REXO4: variants seen among roughly 807,000 people sequenced by gnomAD.
REXO4 encodes the protein RNA exonuclease 4.
In REXO4, 29 loss-of-function variants were observed where a neutral mutation model predicts 39.9. The observed-to-expected ratio is 0.73, with a 90% CI of 0.54 to 0.99. The LOEUF (loss-of-function observed/expected upper bound fraction) is 0.99, where lower values mean the gene tolerates loss of function less well. Ranked by LOEUF, REXO4 falls within the 50% of genes least tolerant of loss-of-function variation. The probability of loss-of-function intolerance (pLI) is 0.00; values close to 1 mark genes in which losing one functional copy is unlikely to be tolerated. For missense variants in REXO4, 524 were observed against 546.5 expected (o/e 0.96, Z 0.41); for synonymous variants, 184 against 206.2 (o/e 0.89, Z 0.92).
At chr9:133,416,472 C>G (rs1340800533) in intron 1 of REXO4, among the ~76,000 whole-genome samples, 1 of 152,170 alleles carries the variant, frequency 6.6e-6, no homozygotes, top group East Asian at 1.9e-4. Flanking sequence ...CTGGGCCTCC[C>G]AAAGTGCTGG....
intron 3 of REXO4, 65 bp from the exon 4 acceptor site, chr9:133,412,557 C>G (rs1554780409): frequency 6.4e-7 from 1 of 1,561,474 alleles, no homozygotes; most frequent in East Asian, 2.2e-5. Context: ...AGGTCAGAGC[C>G]CCAGGGATCC....
rs782508629 is a variant in REXO4, at chr9:133,412,817, C to CTGCCCTCGCTCTGACCCAACTG, written c.655_676dup (p.Ser226ThrfsTer31). The CTGCCCTCGCTCTGACCCAACTG allele has an allele frequency of 1.1e-5, 17 of 1,613,852 alleles. No homozygotes were observed. The highest frequency in any genetic ancestry group is 1.7e-5 in the Admixed American group (1 of 60,028). ...CTCTTTCACGAGGCTGAGGCTGACG[C>CTGCCCTCGCTCTGACCCAACTG]TGCCCTCGCTCTGACCCAACTGTTT... On this transcript the variant is annotated frameshift_variant, in exon 3 of 8. Transcript: ENST00000371942. LOFTEE classifies it high-confidence loss of function.
In REXO4 at chr9:133,412,298, C is replaced by T. The variant is rs1205420168; in HGVS notation, c.910+1G>A. On this transcript the variant is annotated splice_donor_variant, in intron 4 of 7. Coordinates refer to ENST00000371942, the MANE Select transcript of REXO4 (RefSeq NM_020385.4). LOFTEE classifies it high-confidence loss of function. ...AAGTTCCTGAGCTGTGGATGACATA[C>T]CCTGCTTGAGGTTCTCAGGCCGAAT... is the stretch of plus-strand genomic sequence containing the variant. 1.2e-5 allele frequency: 20 copies of T among 1,613,258 alleles called. No homozygotes were observed. Among genetic ancestry groups the T allele is most frequent in the Non-Finnish European group, 1.6e-5 (19 of 1,179,882 alleles).
upstream of REXO4, chr9:133,418,117 C>A: frequency 2.0e-6 from 1 of 496,810 alleles, no homozygotes; most frequent in African/African-American, 2.0e-5. Context: ...TTCACCCGCA[C>A]GGGACTTGGG....
At chr9:133,415,179 T>C (rs1231342663) in intron 1 of REXO4, among the ~76,000 whole-genome samples, 168 bp from the exon 2 acceptor site, 1 of 152,172 alleles carries the variant, frequency 6.6e-6, no homozygotes, top group East Asian at 1.9e-4. Flanking sequence ...AAAAAGCTCT[T>C]TTTCATTCTC....
chr9:133,408,750 C>A lies in REXO4; in HGVS notation c.1074+18G>T. 6.5e-7 allele frequency: 1 copy of A among 1,530,430 alleles called. No homozygotes were observed. Among genetic ancestry groups the A allele is most frequent in the South Asian group, 1.1e-5 (1 of 88,128 alleles). 94.8% of individuals were successfully genotyped at this position (1,530,430 alleles called of 1,614,324 possible). ...AAAACAGAAATACAGTATCTTGAGT[C>A]ACACTCATTCTAAGTACCTTTACTT... is the stretch of plus-strand genomic sequence containing the variant. On this transcript the variant is annotated intron_variant, in intron 6 of 7. Coordinates refer to ENST00000371942, the MANE Select transcript of REXO4 (RefSeq NM_020385.4).
At chr9:133,408,033 T>C in intron 6 of REXO4, 152 bp from the exon 7 acceptor site, 1 of 604,762 alleles carries the variant, frequency 1.7e-6, no homozygotes, top group South Asian at 2.0e-5. Flanking sequence ...CTTAGGGTGG[T>C]AGCCACCAGC....
chr9:133,413,538 G>T (rs1363250919), intron 2 of REXO4, among the ~76,000 whole-genome samples: 2 of 152,148 alleles, frequency 1.3e-5, no homozygotes, highest in Non-Finnish European at 1.5e-5. Context: ...AATTATGAAG[G>T]TAACACGTTC....
In REXO4 at chr9:133,417,948, C is replaced by T. The variant is rs915378771; in HGVS notation, c.-104G>A. 1.8e-6 allele frequency: 2 copies of T among 1,089,906 alleles called. No individual in the cohort carries two copies. Among genetic ancestry groups the T allele is most frequent in the African/African-American group, 1.6e-5 (1 of 63,446 alleles). The allele number at this position is 1,089,906 out of a possible 1,614,324, so 67.5% of individuals were successfully genotyped here. The stretch of plus-strand genomic sequence containing the variant: ...CGCCTGCCCAGGCCAGGCCGAAACA[C>T]ACCCACCGCAGGGACCCCGTCCAGG... On this transcript the variant is annotated 5_prime_UTR_variant, in exon 1 of 8. The change creates a new upstream start codon in the 5' untranslated region. Transcript: ENST00000371942.
chr9:133,416,863 T>C (rs186728461), intron 1 of REXO4, among the ~76,000 whole-genome samples: 98 of 152,372 alleles, frequency 6.4e-4, no homozygotes, highest in Non-Finnish European at 1.1e-3. Flanking sequence ...ATAGAGCACA[T>C]GGCAGAGTGC....
In REXO4 at chr9:133,417,698, T is replaced by G. The variant is rs371464211; in HGVS notation, c.147A>C (p.Pro49=). 16 of 1,614,070 alleles carry G rather than the reference T, an allele frequency of 9.9e-6. No homozygotes were observed. The highest frequency in any genetic ancestry group is 1.3e-5 in the African/African-American group (1 of 74,960). The change falls in exon 1 of 8, where the codon CCA becomes CCC. Residue 49 remains proline (P), a synonymous_variant. Coordinates refer to ENST00000371942, the MANE Select transcript of REXO4 (RefSeq NM_020385.4). ...GCACCACAGCACCGGGGCCGCTTGC[T>G]GGCTTCTTGCTTACTTCCCGCGCCT... ...KSKAREVSKK[P]ASGPGAVVRP... is the part of the protein sequence containing the mutation.
chr9:133,417,662 C>T lies in REXO4; in HGVS notation c.183G>A (p.Lys61=). 6.2e-7 allele frequency: 1 copy of T among 1,614,108 alleles called. No homozygotes were observed. Among genetic ancestry groups the T allele is most frequent in the South Asian group, 1.1e-5 (1 of 91,088 alleles). The part of the protein sequence containing the change: ...SGPGAVVRPP[K]APEDFSQNWK... The stretch of plus-strand genomic sequence containing the variant: ...AGTTTTGAGAAAAGTCTTCTGGTGC[C>T]TTTGGAGGTCGCACCACAGCACCGG... The change falls in exon 1 of 8, where the codon AAG becomes AAA. Residue 61 remains lysine (K), a synonymous_variant. Transcript: ENST00000371942.
In REXO4 at chr9:133,417,809, GGC is replaced by G. The variant is rs1839760250; in HGVS notation, c.34_35del (p.Ala12ProfsTer7). 6.2e-7 allele frequency: 1 copy of G among 1,605,998 alleles called. No individual in the cohort carries two copies. Among genetic ancestry groups the G allele is most frequent in the Non-Finnish European group, 8.5e-7 (1 of 1,179,808 alleles). On this transcript the variant is annotated frameshift_variant, in exon 1 of 8. Transcript: ENST00000371942. LOFTEE classifies it high-confidence loss of function. ...CCGGCTTAGCCACGGGGCTGCTCGG[GGC>G]GCGCTTGGAGGCGGGGACCTTCGCC... The part of the protein sequence containing the change: ...GKAKVPASKR[A>X]PSSPVAKPGP...
rs1267652826 is a variant in REXO4, at chr9:133,406,832, C to A, written c.*121G>T. ...CCTTCTCAGTAGCACCACGCCACGC[C>A]CCTCTGCCATGATTCTGAAAAGGTT... On this transcript the variant is annotated 3_prime_UTR_variant, in exon 8 of 8. Coordinates refer to ENST00000371942, the MANE Select transcript of REXO4 (RefSeq NM_020385.4). 6.9e-6 allele frequency: 10 copies of A among 1,443,098 alleles called. No homozygotes were observed. In the East Asian group the frequency reaches 2.3e-4, roughly 33 times the overall value. 89.4% of individuals were successfully genotyped at this position (1,443,098 alleles called of 1,614,324 possible).
Position 133,417,735 on chromosome 9 carries a change from A to G in REXO4, c.110T>C (p.Phe37Ser), listed in dbSNP as rs781904304. The G allele has an allele frequency of 3.7e-6, 6 of 1,613,930 alleles. No homozygotes were observed. The highest frequency in any genetic ancestry group is 5.1e-6 in the Non-Finnish European group (6 of 1,179,956). Residue 37 changes from phenylalanine (F) to serine (S), a missense_variant, in exon 1 of 8, where the codon TTT becomes TCT. By Grantham distance (155) the Phe-to-Ser change is radical. Transcript: ENST00000371942. ...TRKKNKKKKR[F>S]WKSKAREVSK... ...TACTTCCCGCGCCTTGCTTTTCCAA[A>G]ACCTTTTTTTCTTCTTGTTTTTCTT...
intron 1 of REXO4, 52 bp from the exon 2 acceptor site, chr9:133,415,063 A>G (rs782170687): frequency 8.0e-6 from 12 of 1,490,826 alleles, no homozygotes; most frequent in Non-Finnish European, 9.0e-6. Context: ...AATTACACAC[A>G]GCAGATTGAA....
intron 1 of REXO4, 45 bp downstream of exon 1, chr9:133,417,575 G>A: frequency 6.3e-7 from 1 of 1,591,874 alleles, no homozygotes; most frequent in Non-Finnish European, 8.6e-7. Context: ...GCGTTCTGCG[G>A]GAATGAGCTG....
chr9:133,412,150 T>G, intron 4 of REXO4, 149 bp downstream of exon 4: 1 of 806,610 alleles, frequency 1.2e-6, no homozygotes, highest in Non-Finnish European at 2.0e-6. Flanking sequence ...GGATGCCTTT[T>G]GTATTTTAAA....
chr9:133,411,386 C>T (rs1433056356), intron 4 of REXO4, among the ~76,000 whole-genome samples: 2 of 152,218 alleles, frequency 1.3e-5, no homozygotes, highest in Non-Finnish European at 2.9e-5. Context: ...ACTTTTAGAG[C>T]CGCCTGGCAG....
Sources: gnomAD v4.1 joint callset for allele counts (sites outside exome capture counted in the v4.1 genomes callset) on GRCh38, gnomAD v4.1.1 for gene constraint, MANE v1.5 for transcripts, NCBI Gene and HGNC (gene_info 2026-07-23, HGNC 2026-07-21) for gene names.